Variants in CNTN4 observed in about 807,000 individuals in gnomAD.
CNTN4 encodes contactin 4.
A neutral mutation model predicts 122.5 loss-of-function variants in CNTN4; 77 were observed. The ratio of observed to expected loss-of-function variants is 0.63; its 90% CI spans 0.52 to 0.76. CNTN4 has a LOEUF of 0.76. Ranked by LOEUF, CNTN4 falls within the 30% of genes least tolerant of loss-of-function variation. The pLI is 0.00. For synonymous variants in CNTN4, 512 were observed against 447.0 expected, an observed-to-expected ratio of 1.15 and a Z score of -1.83; for missense variants, 1,256 against 1,259.1, an observed-to-expected ratio of 1.00 and a Z score of 0.04.
chr3:2,512,071 A>G (rs1279170267), intron 3 of CNTN4, among the ~76,000 whole-genome samples: 3 of 152,206 alleles, frequency 2.0e-5, no homozygotes, highest in Non-Finnish European at 4.4e-5. Context: ...CTTTATATGC[A>G]TGCCTGTATA....
At chr3:2,599,594 G>T (rs145977371) in intron 4 of CNTN4, among the ~76,000 whole-genome samples, 5 of 152,186 alleles carry the variant, frequency 3.3e-5, no homozygotes, top group Non-Finnish European at 4.4e-5. Flanking sequence ...TCTGCTCAGA[G>T]TGTGGCTTAC....
intron 4 of CNTN4, among the ~76,000 whole-genome samples, chr3:2,694,814 T>C (rs2085937627): frequency 6.6e-6 from 1 of 152,222 alleles, no homozygotes; most frequent in African/African-American, 2.4e-5. Flanking sequence ...ATTACAGTTC[T>C]ATTTATATTT....
chr3:2,427,075 G>C (rs947289527), intron 3 of CNTN4, among the ~76,000 whole-genome samples: 2 of 152,012 alleles, frequency 1.3e-5, no homozygotes, highest in Non-Finnish European at 2.9e-5. Context: ...ATCTCCTTCA[G>C]TTCTACTCTG....
chr3:2,218,390 T>C (rs2038932038), intron 2 of CNTN4, among the ~76,000 whole-genome samples: 1 of 152,198 alleles, frequency 6.6e-6, no homozygotes, highest in Non-Finnish European at 1.5e-5. Context: ...CATGGTGGCA[T>C]GTACCTGTAG....
chr3:2,130,425 A>C (rs116314419), intron 2 of CNTN4, among the ~76,000 whole-genome samples: 1 of 152,200 alleles, frequency 6.6e-6, no homozygotes, highest in Admixed American at 6.5e-5. Flanking sequence ...TGAGAAACCT[A>C]CAAGTATAAA....
intron 6 of CNTN4, among the ~76,000 whole-genome samples, chr3:2,818,607 T>C (rs1441819751): frequency 2.0e-5 from 3 of 152,206 alleles, no homozygotes; most frequent in Non-Finnish European, 4.4e-5. Context: ...GATTTACATC[T>C]GGGAGGGTGG....
At chr3:2,907,523 A>C (rs2151191513) in intron 12 of CNTN4, among the ~76,000 whole-genome samples, 1 of 152,054 alleles carries the variant, frequency 6.6e-6, no homozygotes, top group Middle Eastern at 3.4e-3. Context: ...CAGTCAGCTA[A>C]GATTGCACCA....
At chr3:2,128,500 G>A (rs1337495871) in intron 2 of CNTN4, among the ~76,000 whole-genome samples, 1 of 152,128 alleles carries the variant, frequency 6.6e-6, no homozygotes, top group East Asian at 1.9e-4. Context: ...GCAGGGCTTG[G>A]ATCCAGGGGA....
At chr3:2,524,742 A>G (rs2077340344) in intron 3 of CNTN4, among the ~76,000 whole-genome samples, 1 of 152,154 alleles carries the variant, frequency 6.6e-6, no homozygotes, top group African/African-American at 2.4e-5. Flanking sequence ...AAGGATATGA[A>G]TACTAGGCAG....
chr3:2,533,078 C>G (rs1218647321), intron 3 of CNTN4, among the ~76,000 whole-genome samples: 3 of 151,010 alleles, frequency 2.0e-5, no homozygotes, highest in African/African-American at 4.9e-5. Flanking sequence ...TGACATTAAC[C>G]TCTCTGGACT....
intron 3 of CNTN4, among the ~76,000 whole-genome samples, chr3:2,513,172 T>C (rs536396424): frequency 1.3e-5 from 2 of 152,304 alleles, no homozygotes; most frequent in Admixed American, 6.5e-5. Context: ...GGCCTGCTAA[T>C]GAAATCTGAA....
rs563891122 is a variant in CNTN4 at position 2,480,957 on chromosome 3, T to G, written c.-88-90459T>G. 2.0e-5 allele frequency among the ~76,000 whole-genome samples: 3 copies of G among 152,280 alleles called. No individual in the cohort carries two copies. In the East Asian group the frequency reaches 5.8e-4, roughly 29 times the overall value. ...TCCACATCAATATAGTTAGCTAATC[T>G]TTGACAAAGGAGTAAAGGCAATAAA... On this transcript the variant is annotated intron_variant, in intron 3 of 24. Transcript: ENST00000418658.
intron 4 of CNTN4, among the ~76,000 whole-genome samples, chr3:2,658,539 C>G (rs981267612): frequency 2.0e-5 from 3 of 152,208 alleles, no homozygotes; most frequent in African/African-American, 4.8e-5. Flanking sequence ...AATTTAAAGT[C>G]TGTTCCATCT....
intron 4 of CNTN4, among the ~76,000 whole-genome samples, chr3:2,659,515 G>C (rs920115944): frequency 6.6e-6 from 1 of 150,474 alleles, no homozygotes; most frequent in Non-Finnish European, 1.5e-5. Context: ...AAGGAAGAGA[G>C]GGCAAATGTG....
At chr3:2,464,350 T>C (rs1210120383) in intron 3 of CNTN4, among the ~76,000 whole-genome samples, 1 of 152,226 alleles carries the variant, frequency 6.6e-6, no homozygotes, top group African/African-American at 2.4e-5. Flanking sequence ...AAGTGGCGCA[T>C]TAGGAACTAG....
chr3:2,539,526 G>A (rs2077948507), intron 3 of CNTN4, among the ~76,000 whole-genome samples: 1 of 152,032 alleles, frequency 6.6e-6, no homozygotes. Flanking sequence ...ATTTAGAAAT[G>A]CCCTAGGTAT....
At chr3:2,747,978 T>C (rs2089887051) in intron 6 of CNTN4, among the ~76,000 whole-genome samples, 1 of 152,240 alleles carries the variant, frequency 6.6e-6, no homozygotes, top group Non-Finnish European at 1.5e-5. Context: ...TGTGAAGATA[T>C]GATCATGTCC....
intron 2 of CNTN4, among the ~76,000 whole-genome samples, chr3:2,100,945 C>G (rs2031897261): frequency 6.6e-6 from 1 of 152,150 alleles, no homozygotes; most frequent in Non-Finnish European, 1.5e-5. Flanking sequence ...AGAGAAGTGA[C>G]TTGGATAAGG....
intron 13 of CNTN4, among the ~76,000 whole-genome samples, chr3:2,956,690 C>A (rs370009240): frequency 2.6e-5 from 4 of 151,916 alleles, no homozygotes; most frequent in African/African-American, 4.8e-5. Context: ...TTACCACAAT[C>A]AAATTAATTA....
Sources: allele counts gnomAD v4.1 joint callset (sites outside exome capture counted in the v4.1 genomes callset), GRCh38; gene constraint gnomAD v4.1.1; transcripts MANE v1.5; gene names NCBI Gene and HGNC (gene_info 2026-07-23, HGNC 2026-07-21).